The following MYBPC1 variants were observed in gnomAD, a reference collection of about 807,000 sequenced individuals.
MYBPC1 encodes myosin-binding protein C, slow-type.
In MYBPC1, 52 loss-of-function variants were observed where a neutral mutation model predicts 147.1. The observed-to-expected ratio is 0.35, with a 90% confidence interval of 0.28 to 0.45. MYBPC1 has a LOEUF of 0.45. Among genes scored for constraint, MYBPC1 ranks in the 20% least tolerant of loss-of-function variants. MYBPC1 has a pLI of 1.00. For missense variants in MYBPC1, 1,228 were observed against 1,440.3 expected, an observed-to-expected ratio of 0.85 and a Z score of 2.39; for synonymous variants, 477 against 475.9, an observed-to-expected ratio of 1.00 and a Z score of -0.03.
At chr12:101,662,175 T>C (rs1488214094) in intron 20 of MYBPC1, among the ~76,000 whole-genome samples, 183 bp from the exon 21 acceptor site, 1 of 152,174 alleles carries the variant, frequency 6.6e-6, no homozygotes, top group Admixed American at 6.5e-5. Flanking sequence ...TATTTTCATC[T>C]ATATTTTATA....
At chr12:101,609,524 C>G (rs1293322287) in intron 1 of MYBPC1, among the ~76,000 whole-genome samples, 1 of 152,030 alleles carries the variant, frequency 6.6e-6, no homozygotes, top group Non-Finnish European at 1.5e-5. Flanking sequence ...CTCAAGCGAT[C>G]CTCCCACCTT....
At chr12:101,640,989 G>C (rs182454089) in intron 10 of MYBPC1, among the ~76,000 whole-genome samples, 1 of 151,950 alleles carries the variant, frequency 6.6e-6, no homozygotes, top group Admixed American at 6.6e-5. Context: ...GCACACACCT[G>C]TAATCCCAGC....
chr12:101,639,349 CTT>C (rs1201559168), intron 10 of MYBPC1, among the ~76,000 whole-genome samples: 1 of 152,192 alleles, frequency 6.6e-6, no homozygotes, highest in Non-Finnish European at 1.5e-5. Context: ...CTCACTGTAA[CTT>C]AACATAGCCA....
At chr12:101,610,431 C>T (rs1316929898) in intron 1 of MYBPC1, among the ~76,000 whole-genome samples, 18 of 152,168 alleles carry the variant, frequency 1.2e-4, no homozygotes, top group Admixed American at 1.1e-3. Flanking sequence ...CAAATGCAAA[C>T]ACGTTTTAAC....
In MYBPC1 at chr12:101,653,264, G is replaced by T. The variant is rs1046008185; in HGVS notation, c.1767+16G>T. The T allele has an allele frequency of 6.2e-7, 1 of 1,612,860 alleles. No homozygotes were observed. The highest frequency in any genetic ancestry group is 8.5e-7 in the Non-Finnish European group (1 of 1,179,938). The stretch of plus-strand genomic sequence containing the variant: ...GGGAGATAAGGTTTGTTTTATGCTT[G>T]CACACACTCACATGCACACACACAT... On this transcript the variant is annotated intron_variant, in intron 18 of 31. Coordinates refer to ENST00000361466, the MANE Select transcript of MYBPC1 (RefSeq NM_002465.4).
intron 13 of MYBPC1, 54 bp downstream of exon 13, chr12:101,646,941 A>G: frequency 6.2e-7 from 1 of 1,602,232 alleles, no homozygotes; most frequent in Non-Finnish European, 8.6e-7. Context: ...TTCTTCTCCC[A>G]GGGATAATGA....
At chr12:101,606,040 C>T (rs2135658872) in intron 1 of MYBPC1, among the ~76,000 whole-genome samples, 1 of 151,600 alleles carries the variant, frequency 6.6e-6, no homozygotes, top group East Asian at 2.0e-4. Flanking sequence ...ACTAAAAATA[C>T]AAAAATTAGT....
the MYBPC1 span, among the ~76,000 whole-genome samples, chr12:101,691,776 T>A: frequency 6.6e-6 from 1 of 152,260 alleles, no homozygotes; most frequent in Non-Finnish European, 1.5e-5. Flanking sequence ...GTAATCATTT[T>A]AAAATACATA....
intron 1 of MYBPC1, among the ~76,000 whole-genome samples, chr12:101,600,797 G>A (rs1879602971): frequency 6.6e-6 from 1 of 152,118 alleles, no homozygotes; most frequent in African/African-American, 2.4e-5. Flanking sequence ...ATGTTCTGTG[G>A]TAATTCTAAA....
rs201279178 is a variant in MYBPC1 at position 101,629,526 on chromosome 12, G to A, written c.271G>A (p.Gly91Arg). Residue 91 changes from glycine (G) to arginine (R), a missense_variant, in exon 6 of 32, where the codon GGA becomes AGA. Physicochemically the swap from Gly to Arg is moderately radical, Grantham distance 125. Transcript: ENST00000361466. The stretch of plus-strand genomic sequence containing the variant: ...CATCTTGTTCATTGAAAAACCTCAA[G>A]GAGGAACAGTGAAAGTTGGTGAGTG... Reference protein sequence around the residue: ...LSILFIEKPQGGTVKVGEDIT... With the variant: ...LSILFIEKPQRGTVKVGEDIT... The A allele has an allele frequency of 7.5e-5, 121 of 1,613,096 alleles. No individual in the cohort carries two copies. Among genetic ancestry groups the A allele is most frequent in the Non-Finnish European group, 9.3e-5 (110 of 1,179,210 alleles).
At chr12:101,602,468 C>T (rs555668431) in intron 1 of MYBPC1, among the ~76,000 whole-genome samples, 3 of 152,274 alleles carry the variant, frequency 2.0e-5, no homozygotes, top group East Asian at 1.9e-4. Context: ...CCACCTGCCT[C>T]GGCCTCCCAA....
At chr12:101,657,993 G>A (rs1160897928) in intron 18 of MYBPC1, among the ~76,000 whole-genome samples, 2 of 152,004 alleles carry the variant, frequency 1.3e-5, no homozygotes, top group East Asian at 1.9e-4. Flanking sequence ...TTAGCCGGGC[G>A]TGGTGGCTGC....
chr12:101,676,184 C>A (rs1899946928), intron 26 of MYBPC1, among the ~76,000 whole-genome samples: 1 of 152,096 alleles, frequency 6.6e-6, no homozygotes, highest in Non-Finnish European at 1.5e-5. Context: ...AGATTGAAAA[C>A]CCCTGGCTTA....
At chr12:101,641,329 G>T (rs1162886091) in intron 10 of MYBPC1, among the ~76,000 whole-genome samples, 2 of 152,040 alleles carry the variant, frequency 1.3e-5, no homozygotes. Flanking sequence ...GATAAAAATA[G>T]TCATGTAAAT....
At chr12:101,610,185 A>T (rs1204533002) in intron 1 of MYBPC1, among the ~76,000 whole-genome samples, 1 of 152,194 alleles carries the variant, frequency 6.6e-6, no homozygotes. Flanking sequence ...GGTTTAAGAC[A>T]ACTGGAATTC....
At chr12:101,687,800 G>A (rs1265763098), downstream of MYBPC1, among the ~76,000 whole-genome samples, 5 of 151,662 alleles carry the variant, frequency 3.3e-5, no homozygotes, top group East Asian at 7.7e-4. Flanking sequence ...CTGCTTATAC[G>A]TGTATGGTTT....
chr12:101,687,281 T>A (rs951835433), downstream of MYBPC1, among the ~76,000 whole-genome samples: 1 of 151,986 alleles, frequency 6.6e-6, no homozygotes, highest in Non-Finnish European at 1.5e-5. Context: ...TGTCCAAGTG[T>A]TCTCATTGTT....
Position 101,662,450 on chromosome 12 carries a change from A to T in MYBPC1, c.2125A>T (p.Met709Leu), listed in dbSNP as rs778008629. 1.9e-6 allele frequency: 3 copies of T among 1,614,250 alleles called. No homozygotes were observed. Among genetic ancestry groups the T allele is most frequent in the Non-Finnish European group, 2.5e-6 (3 of 1,180,040 alleles). The change falls in exon 21 of 32, where the codon ATG becomes TTG. Residue 709 changes from methionine to leucine, a missense_variant. Physicochemically the swap from Met to Leu is conservative, Grantham distance 15. Coordinates refer to ENST00000361466, the MANE Select transcript of MYBPC1 (RefSeq NM_002465.4). ...AGAAACAACTTTTGAGCCCAAGAAGATGATTGAAGGTGTGGCCTATGAGGT... is the reference window on the plus strand; with the variant it reads ...AGAAACAACTTTTGAGCCCAAGAAGTTGATTGAAGGTGTGGCCTATGAGGT... Reference protein sequence around the residue: ...CKETTFEPKKMIEGVAYEVRI... With the variant: ...CKETTFEPKKLIEGVAYEVRI...
chr12:101,595,268 T>C (rs1023950737), intron 1 of MYBPC1, among the ~76,000 whole-genome samples, 173 bp downstream of exon 1: 3 of 152,190 alleles, frequency 2.0e-5, no homozygotes, highest in African/African-American at 7.2e-5. Context: ...AGCGAGAGTA[T>C]ATTGAATTGA....
Sources: allele counts gnomAD v4.1 joint callset (sites outside exome capture counted in the v4.1 genomes callset), GRCh38; gene constraint gnomAD v4.1.1; transcripts MANE v1.5; gene names NCBI Gene and HGNC (gene_info 2026-07-23, HGNC 2026-07-21).